Variants in SP2 observed in about 807,000 individuals in gnomAD.
SP2 encodes the protein transcription factor Sp2.
A neutral mutation model predicts 50.1 loss-of-function variants in SP2; 9 were observed. That is an observed-to-expected ratio of 0.18 (90% CI 0.11 to 0.31). The LOEUF (loss-of-function observed/expected upper bound fraction) is 0.31. Among genes scored for constraint, SP2 ranks in the 10% least tolerant of loss-of-function variants. The pLI, the probability that SP2 is intolerant of heterozygous loss-of-function variation, is 1.00. For missense variants in SP2, 581 were observed against 806.5 expected, an observed-to-expected ratio of 0.72 and a Z score of 3.39; for synonymous variants, 313 against 326.6, an observed-to-expected ratio of 0.96 and a Z score of 0.45.
intron 3 of SP2, among the ~76,000 whole-genome samples, chr17:47,919,364 C>A (rs2035342757): frequency 6.6e-6 from 1 of 152,046 alleles, no homozygotes; most frequent in Non-Finnish European, 1.5e-5. Flanking sequence ...GAACTATGAT[C>A]ATTCTACTGC....
At chr17:47,896,389 C>A in intron 1 of SP2, 96 bp downstream of exon 1, 2 of 1,060,242 alleles carry the variant, frequency 1.9e-6, no homozygotes, top group Non-Finnish European at 2.4e-6. Context: ...GCCGGGGGTT[C>A]CCCCCTGGGG....
At chr17:47,900,931 C>G (rs1462993525) in intron 1 of SP2, among the ~76,000 whole-genome samples, 1 of 152,054 alleles carries the variant, frequency 6.6e-6, no homozygotes, top group Non-Finnish European at 1.5e-5. Flanking sequence ...GCCCAGTATT[C>G]TTTGACAAAA....
At position 47,909,887 on chromosome 17, in the gene SP2, A is replaced by G. The variant is rs1008157977; in HGVS notation, c.8-5425A>G. 6.3e-4 allele frequency among the ~76,000 whole-genome samples: 96 copies of G among 152,024 alleles called. 4 individuals carry two copies. Among genetic ancestry groups the G allele is most frequent in the Non-Finnish European group, 1.5e-5 (1 of 68,020 alleles). On this transcript the variant is annotated intron_variant, in intron 1 of 6. Transcript: ENST00000376741. ...TTTTGATACCGAGTCTTGCTCTGTTACCCAGGCTGGAGTGCAGTGGCACCA... is the reference window on the plus strand; with the variant it reads ...TTTTGATACCGAGTCTTGCTCTGTTGCCCAGGCTGGAGTGCAGTGGCACCA...
intron 1 of SP2, among the ~76,000 whole-genome samples, chr17:47,912,165 G>A (rs1269896900): frequency 6.6e-6 from 1 of 152,306 alleles, no homozygotes; most frequent in South Asian, 2.1e-4. Context: ...GCTATTCCTT[G>A]TGGTCACTCC....
At chr17:47,900,997 GC>G (rs1257986835) in intron 1 of SP2, among the ~76,000 whole-genome samples, 1 of 152,022 alleles carries the variant, frequency 6.6e-6, no homozygotes, top group Non-Finnish European at 1.5e-5. Context: ...ACCCTATGCT[GC>G]CCCCACCCCC....
At chr17:47,896,386 G>A in intron 1 of SP2, 93 bp downstream of exon 1, 4 of 1,095,412 alleles carry the variant, frequency 3.7e-6, no homozygotes, top group South Asian at 4.6e-5. Flanking sequence ...GAGGCCGGGG[G>A]TTCCCCCCTG....
Position 47,916,579 on chromosome 17 carries a change from T to C in SP2, c.508T>C (p.Ser170Pro), listed in dbSNP as rs1171229310. The change falls in exon 3 of 7, where the codon TCA becomes CCA. Residue 170 changes from serine (S) to proline (P), a missense_variant. By Grantham distance (74) the Ser-to-Pro change is moderately conservative. Transcript: ENST00000376741. This position sits in a 1 kb window ranked among gnomAD's most constrained non-coding sequence, Gnocchi z 4.7. The stretch of plus-strand genomic sequence containing the variant: ...CACCAACCAAGCCATCATCACCCCC[T>C]CACCGTCCAGTCACAAGCCTGTCCC... The part of the protein sequence containing the change: ...PGTNQAIITP[S>P]PSSHKPVPIK... 1 of 1,613,902 alleles carries C rather than the reference T, an allele frequency of 6.2e-7. No individual in the cohort carries two copies. The highest frequency in any genetic ancestry group is 8.5e-7 in the Non-Finnish European group (1 of 1,179,972).
intron 1 of SP2, among the ~76,000 whole-genome samples, chr17:47,912,709 T>A (rs2035042155): frequency 6.6e-6 from 1 of 151,776 alleles, no homozygotes; most frequent in African/African-American, 2.4e-5. Context: ...CTTCCCGAAG[T>A]GTTGGAATTA....
At chr17:47,896,382 G>A in intron 1 of SP2, 89 bp downstream of exon 1, 6 of 1,110,018 alleles carry the variant, frequency 5.4e-6, no homozygotes, top group Non-Finnish European at 6.9e-6. Flanking sequence ...AGCCGAGGCC[G>A]GGGGTTCCCC....
chr17:47,912,442 CTTT>C (rs536634603), intron 1 of SP2, among the ~76,000 whole-genome samples: 4 of 140,176 alleles, frequency 2.9e-5, no homozygotes, highest in Non-Finnish European at 4.7e-5. Context: ...TCCACTTCAC[CTTT>C]TTTTTTTTTT....
In SP2 at chr17:47,925,403, A is replaced by ACGTTC; in HGVS notation, c.1607_1611dup (p.Lys538SerfsTer60). The ACGTTC allele has an allele frequency of 6.2e-7, 1 of 1,614,216 alleles. No homozygotes were observed. The highest frequency in any genetic ancestry group is 8.5e-7 in the Non-Finnish European group (1 of 1,180,052). On this transcript the variant is annotated frameshift_variant, in exon 6 of 7. Transcript: ENST00000376741. LOFTEE classifies it high-confidence loss of function. ...GTGCCACATCCCCGACTGTGGCAAG[A>ACGTTC]CGTTCCGTAAGACGTCCTTGCTGCG...
chr17:47,904,262 CAAAA>C (rs71366804), intron 1 of SP2, among the ~76,000 whole-genome samples: 6 of 99,682 alleles, frequency 6.0e-5, no homozygotes, highest in Non-Finnish European at 8.1e-5. Flanking sequence ...GACTCTGTCC[CAAAA>C]AAAAAAAAAA....
In SP2 at chr17:47,896,302, C is replaced by G. The variant is rs937713725; in HGVS notation, c.7+9C>G. 8.1e-7 allele frequency: 1 copy of G among 1,238,032 alleles called. No homozygotes were observed. The allele number at this position is 1,238,032 out of a possible 1,614,324, so 76.7% of individuals were successfully genotyped here. On this transcript the variant is annotated intron_variant, in intron 1 of 6. Coordinates refer to ENST00000376741, the MANE Select transcript of SP2 (RefSeq NM_003110.6). Reference sequence around the variant, plus strand: ...AGATGTCGTAATGAGCGGTGGGTCCCGGCCGCTGCCGGCGGGGTCTTCCCG... The same window carrying G: ...AGATGTCGTAATGAGCGGTGGGTCCGGGCCGCTGCCGGCGGGGTCTTCCCG...
At chr17:47,904,553 G>T (rs60123006) in intron 1 of SP2, among the ~76,000 whole-genome samples, 2 of 151,832 alleles carry the variant, frequency 1.3e-5, no homozygotes, top group African/African-American at 4.8e-5. Flanking sequence ...GAGGCTGGGG[G>T]TCTGAGATGG....
At position 47,916,867 on chromosome 17, in the gene SP2, G is replaced by C. The variant is rs2035229015; in HGVS notation, c.796G>C (p.Glu266Gln). Residue 266 changes from glutamate (E) to glutamine (Q), a missense_variant, in exon 3 of 7, where the codon GAG becomes CAG. Glu to Gln is a conservative substitution (Grantham distance 29). Transcript: ENST00000376741. The surrounding 1 kb of genome is among the most constrained non-coding windows in gnomAD (Gnocchi z 4.7). ...CCCTGTGGCTGTGGCTGAGCAGGTG[G>C]AGACGGTGCTGATCGAGACCACCGC... ...QPPVAVAEQV[E>Q]TVLIETTADN... The C allele has an allele frequency of 6.2e-7, 1 of 1,614,186 alleles. No homozygotes were observed. Among genetic ancestry groups the C allele is most frequent in the Non-Finnish European group, 8.5e-7 (1 of 1,180,034 alleles).
In SP2 at chr17:47,907,060, CA is replaced by C. The variant is rs372385638; in HGVS notation, c.8-8251del. ...GGAATTTTGAGGAAGAGGCACTGGT[CA>C]GAGGGGCTATTGGATTGAGCAGCAA... On this transcript the variant is annotated intron_variant, in intron 1 of 6. Coordinates refer to ENST00000376741, the MANE Select transcript of SP2 (RefSeq NM_003110.6). 3.2e-3 allele frequency among the ~76,000 whole-genome samples: 488 copies of C among 152,116 alleles called. 2 individuals carry two copies. The highest frequency in any genetic ancestry group is 0.011 in the South Asian group (52 of 4,820).
At chr17:47,921,155 T>A (rs2035440886) in intron 3 of SP2, among the ~76,000 whole-genome samples, 1 of 152,234 alleles carries the variant, frequency 6.6e-6, no homozygotes, top group Admixed American at 6.5e-5. Flanking sequence ...GATTCCTGGT[T>A]CCTCTCATTG....
chr17:47,920,290 A>ATT (rs71141941), intron 3 of SP2, among the ~76,000 whole-genome samples: 23 of 124,236 alleles, frequency 1.9e-4, no homozygotes, highest in African/African-American at 3.6e-4. Flanking sequence ...TAATTTTTGA[A>ATT]TTTTTTTTTT....
At chr17:47,914,865 A>G (rs1213382024) in intron 1 of SP2, 3 of 153,422 alleles carry the variant, frequency 2.0e-5, no homozygotes, top group African/African-American at 7.2e-5. Context: ...AGGGTGGGTA[A>G]GTCTGGGGAA....
Sources: allele counts gnomAD v4.1 joint callset (sites outside exome capture counted in the v4.1 genomes callset), GRCh38; gene constraint gnomAD v4.1.1; non-coding constraint Gnocchi (gnomAD v3.1); transcripts MANE v1.5; gene names NCBI Gene and HGNC (gene_info 2026-07-23, HGNC 2026-07-21).